Variants in CADM3 observed in about 807,000 individuals in gnomAD.
The protein encoded by CADM3 is cell adhesion molecule 3, also known as TSLC1-like 1.
A neutral mutation model predicts 44.9 loss-of-function variants in CADM3; 11 were observed. That is an observed-to-expected ratio of 0.25 (90% CI 0.15 to 0.41). CADM3 has a LOEUF of 0.41. Among genes scored for constraint, CADM3 ranks in the 10% least tolerant of loss-of-function variants. The pLI, the probability that CADM3 is intolerant of heterozygous loss-of-function variation, is 1.00. For missense variants in CADM3, 426 were observed against 512.0 expected, an observed-to-expected ratio of 0.83 and a Z score of 1.62; for synonymous variants, 207 against 205.2, an observed-to-expected ratio of 1.01 and a Z score of -0.08.
At chr1:159,182,363 G>A (rs1000090129) in intron 1 of CADM3, among the ~76,000 whole-genome samples, 13 of 152,338 alleles carry the variant, frequency 8.5e-5, no homozygotes, top group Admixed American at 7.2e-4. Context: ...GGCATAGGAA[G>A]AGTGGGTGTC....
Position 159,192,384 on chromosome 1 carries a change from G to T in CADM3, c.230-194G>T, listed in dbSNP as rs2814767. 0.13 allele frequency among the ~76,000 whole-genome samples: 19,944 copies of T among 152,080 alleles called. 3,868 individuals are homozygous for T. The highest frequency in any genetic ancestry group is 0.43 in the African/African-American group (17,628 of 41,388). ...CGAAATCCAAACTATTTTCTGAGTA[G>T]CTCTTAGGCTACTATGTCTAATGAC... On this transcript the variant is annotated intron_variant, in intron 2 of 8. Coordinates refer to ENST00000368125, the MANE Select transcript of CADM3 (RefSeq NM_001127173.3).
chr1:159,172,463 C>G (rs1366717557), intron 1 of CADM3, among the ~76,000 whole-genome samples: 3 of 152,070 alleles, frequency 2.0e-5, no homozygotes, highest in African/African-American at 7.2e-5. Context: ...GGGCCCTTAT[C>G]CTTGGAGCAA....
At chr1:159,200,729 G>A (rs1650149276) in intron 8 of CADM3, 75 bp from the exon 9 acceptor site, 5 of 1,039,296 alleles carry the variant, frequency 4.8e-6, no homozygotes, top group Admixed American at 2.4e-5. Context: ...TGAGTGGGTG[G>A]GTGAGAAAGT....
At chr1:159,186,763 A>T (rs1240076231) in intron 1 of CADM3, among the ~76,000 whole-genome samples, 3 of 152,202 alleles carry the variant, frequency 2.0e-5, no homozygotes, top group Non-Finnish European at 2.9e-5. Context: ...AAGAGAAGAC[A>T]TGAGATTATA....
In CADM3 at chr1:159,182,088, G is replaced by A. The variant is rs28561897; in HGVS notation, c.89-9848G>A. Among the ~76,000 whole-genome samples, 112 of 146,068 alleles carry A rather than the reference G, an allele frequency of 7.7e-4. 1 individual carries two copies. Among genetic ancestry groups the A allele is most frequent in the East Asian group, 1.0e-3 (5 of 4,938 alleles). The stretch of plus-strand genomic sequence containing the variant: ...CACACACACACACACACACACACAC[G>A]CACACACACATGCCACCTGTCCTCA... On this transcript the variant is annotated intron_variant, in intron 1 of 8. Coordinates refer to ENST00000368125, the MANE Select transcript of CADM3 (RefSeq NM_001127173.3).
chr1:159,184,849 T>C (rs1649359953), intron 1 of CADM3, among the ~76,000 whole-genome samples: 1 of 152,232 alleles, frequency 6.6e-6, no homozygotes, highest in African/African-American at 2.4e-5. Flanking sequence ...ACAGGTGCTT[T>C]AAAGAAGCAC....
At chr1:159,189,348 CAT>C (rs1392221493) in intron 1 of CADM3, among the ~76,000 whole-genome samples, 12 of 152,274 alleles carry the variant, frequency 7.9e-5, no homozygotes, top group African/African-American at 2.6e-4. Context: ...TTTAGTGAAT[CAT>C]ATGGTGGAGC....
At chr1:159,195,455 A>G (rs1168066501) in intron 5 of CADM3, 1 of 151,508 alleles carries the variant, frequency 6.6e-6, no homozygotes, top group Non-Finnish European at 1.5e-5. Context: ...AGCCCCAAAG[A>G]CTCCTCTGTT....
At chr1:159,171,874 C>T (rs906375215) in intron 1 of CADM3, 21 bp downstream of exon 1, 4 of 1,229,968 alleles carry the variant, frequency 3.3e-6, no homozygotes, top group Admixed American at 8.4e-5. Context: ...GAGGGGGCGG[C>T]GCCTGGGGAG....
Position 159,197,059 on chromosome 1 carries a change from T to C in CADM3, c.951T>C (p.Asn317=). 1 of 1,613,896 alleles carries C rather than the reference T, an allele frequency of 6.2e-7. No individual in the cohort carries two copies. The highest frequency in any genetic ancestry group is 8.5e-7 in the Non-Finnish European group (1 of 1,179,818). The change falls in exon 7 of 9, where the codon AAT becomes AAC. Residue 317 remains asparagine, a splice_region_variant and synonymous_variant. Transcript: ENST00000368125. ...AGGCCTACTACACCCTCAATGTTAA[T>C]GGTAAGCCCTCCTCAGTTCTCTTCC... ...SYKAYYTLNV[N]DPSPVPSSSS...
chr1:159,192,736 A>AC lies in CADM3; in HGVS notation c.382+7dup, dbSNP rs1649724355. 7 of 1,608,976 alleles carry AC rather than the reference A, an allele frequency of 4.4e-6. No individual in the cohort carries two copies. The South Asian group carries it at 7.7e-5, about 18-fold the overall frequency. On this transcript the variant is annotated splice_region_variant and intron_variant, in intron 3 of 8. Coordinates refer to ENST00000368125, the MANE Select transcript of CADM3 (RefSeq NM_001127173.3). ...GTCCCTCGTCACTGTGCTAGGTGAG[A>AC]CTCCCAAACCCCAGTGTCTCTACAG...
intron 1 of CADM3, among the ~76,000 whole-genome samples, chr1:159,184,649 G>A (rs763042636): frequency 3.9e-5 from 6 of 152,184 alleles, no homozygotes; most frequent in Admixed American, 6.5e-5. Flanking sequence ...AAACAGACAC[G>A]GCAGGGACAA....
At position 159,197,011 on chromosome 1, in the gene CADM3, C is replaced by T; in HGVS notation, c.903C>T (p.Ala301=). The T allele has an allele frequency of 6.2e-7, 1 of 1,614,134 alleles. No individual in the cohort carries two copies. The highest frequency in any genetic ancestry group is 8.5e-7 in the Non-Finnish European group (1 of 1,180,014). The part of the protein sequence containing the change: ...KSDSGTYGCT[A]TSNMGSYKAY... ...ACAGTGGCACCTACGGCTGCACAGC[C>T]ACCAGCAACATGGGCAGCTACAAGG... is the stretch of plus-strand genomic sequence containing the variant. Residue 301 remains alanine, a synonymous_variant, in exon 7 of 9, where the codon GCC becomes GCT. Transcript: ENST00000368125.
intron 1 of CADM3, among the ~76,000 whole-genome samples, chr1:159,188,121 G>A (rs963299812): frequency 6.6e-6 from 1 of 152,050 alleles, no homozygotes; most frequent in African/African-American, 2.4e-5. Flanking sequence ...CTGTCTGTGA[G>A]GAGCAGAGAA....
chr1:159,181,049 T>C (rs1201050247), intron 1 of CADM3, among the ~76,000 whole-genome samples: 1 of 152,148 alleles, frequency 6.6e-6, no homozygotes, highest in African/African-American at 2.4e-5. Flanking sequence ...AGAGAATATA[T>C]TCTTTACTTC....
intron 6 of CADM3, 100 bp downstream of exon 6, chr1:159,196,554 C>A: frequency 2.1e-6 from 2 of 939,304 alleles, no homozygotes; most frequent in South Asian, 1.5e-5. Flanking sequence ...ATTGTCTGAC[C>A]TGAGCCTCTC....
At chr1:159,188,825 T>A (rs1649530163) in intron 1 of CADM3, among the ~76,000 whole-genome samples, 1 of 152,064 alleles carries the variant, frequency 6.6e-6, no homozygotes, top group Non-Finnish European at 1.5e-5. Context: ...AAAGGGAGCA[T>A]GGAATTGATT....
chr1:159,179,632 T>C lies in CADM3; in HGVS notation c.88+7779T>C, dbSNP rs541721886. 3.3e-5 allele frequency among the ~76,000 whole-genome samples: 5 copies of C among 152,322 alleles called. 1 individual carries two copies. Among genetic ancestry groups the C allele is most frequent in the Admixed American group, 3.3e-4 (5 of 15,304 alleles). On this transcript the variant is annotated intron_variant, in intron 1 of 8. Coordinates refer to ENST00000368125, the MANE Select transcript of CADM3 (RefSeq NM_001127173.3). Reference sequence around the variant, plus strand: ...GAAATATGCAGATTCTTGTTTCATATTTTACTTTTACCCTTCTATGACCTG... The same window carrying C: ...GAAATATGCAGATTCTTGTTTCATACTTTACTTTTACCCTTCTATGACCTG...
chr1:159,200,749 G>A, intron 8 of CADM3, 55 bp from the exon 9 acceptor site: 1 of 1,332,112 alleles, frequency 7.5e-7, no homozygotes, highest in Non-Finnish European at 1.0e-6. Flanking sequence ...TGGGCAGGGT[G>A]GACTCAGAGG....
Sources: gnomAD v4.1 joint callset for allele counts (sites outside exome capture counted in the v4.1 genomes callset) on GRCh38, gnomAD v4.1.1 for gene constraint, MANE v1.5 for transcripts, NCBI Gene and HGNC (gene_info 2026-07-23, HGNC 2026-07-21) for gene names.